Variants in SPAG17 observed in about 807,000 individuals in gnomAD.
SPAG17 encodes sperm-associated antigen 17.
A neutral mutation model predicts 273.6 loss-of-function variants in SPAG17; 169 were observed. The observed-to-expected ratio is 0.62, with a 90% CI of 0.55 to 0.70. The LOEUF is 0.70. Ranked by LOEUF, SPAG17 falls within the 30% of genes least tolerant of loss-of-function variation. The probability of loss-of-function intolerance (pLI) is 0.00; values close to 1 mark genes in which losing one functional copy is unlikely to be tolerated. For missense variants in SPAG17, 2,557 were observed against 2,627.8 expected, an observed-to-expected ratio of 0.97 and a Z score of 0.59; for synonymous variants, 825 against 873.2, an observed-to-expected ratio of 0.94 and a Z score of 0.97.
intron 3 of SPAG17, among the ~76,000 whole-genome samples, chr1:118,130,197 T>C (rs557083845): frequency 5.3e-5 from 8 of 152,166 alleles, no homozygotes; most frequent in Non-Finnish European, 1.0e-4. Context: ...AAGCCCTTAA[T>C]GAGCAGATGG....
At chr1:117,998,387 G>T (rs1299457218) in intron 32 of SPAG17, among the ~76,000 whole-genome samples, 1 of 152,030 alleles carries the variant, frequency 6.6e-6, no homozygotes, top group African/African-American at 2.4e-5. Context: ...TTATATCTGG[G>T]CTCTCTATTT....
chr1:118,056,008 C>CA, intron 18 of SPAG17, 94 bp from the exon 19 acceptor site: 1 of 1,008,862 alleles, frequency 9.9e-7, no homozygotes, highest in Non-Finnish European at 1.4e-6. Flanking sequence ...TTGCTCATGT[C>CA]AAAAATATAA....
At chr1:118,058,319 C>T (rs917229901) in intron 18 of SPAG17, among the ~76,000 whole-genome samples, 7 of 152,042 alleles carry the variant, frequency 4.6e-5, no homozygotes, top group African/African-American at 1.7e-4. Flanking sequence ...GCAATTCTCC[C>T]AGCTCAGACT....
rs1557850782 is a variant in SPAG17, at chr1:117,972,070, T to C, written c.6142-23A>G. ...CACCTTTGCATTAAGAAAAAATTAA[T>C]AAAATGGTTCTATTTTGAGTTCCCA... On this transcript the variant is annotated intron_variant, in intron 44 of 48. Coordinates refer to ENST00000336338, the MANE Select transcript of SPAG17 (RefSeq NM_206996.4). The C allele has an allele frequency of 5.7e-6, 9 of 1,572,856 alleles. No individual in the cohort carries two copies. In the East Asian group the frequency reaches 2.0e-4, roughly 36 times the overall value.
chr1:118,007,973 C>T (rs1031348949), intron 31 of SPAG17, 71 bp downstream of exon 31: 4 of 1,583,426 alleles, frequency 2.5e-6, no homozygotes, highest in Admixed American at 3.4e-5. Context: ...TTTTACTGCC[C>T]CAGAGAAGTG....
At position 118,099,746 on chromosome 1, in the gene SPAG17, T is replaced by C. The variant is rs1306455269; in HGVS notation, c.689A>G (p.Asn230Ser). The C allele has an allele frequency of 5.0e-6, 8 of 1,613,334 alleles. No homozygotes were observed. Among genetic ancestry groups the C allele is most frequent in the Admixed American group, 3.3e-5 (2 of 59,980 alleles). The part of the protein sequence containing the change: ...QHYIIVVGFN[N>S]PQLLAIMAEL... ...AGCCATAATTGCTAATAGCTGAGGA[T>C]TGTTAAAGCCCACAACTATAATGTA... The change falls in exon 6 of 49, where the codon AAT becomes AGT. Residue 230 changes from asparagine (N) to serine (S), a missense_variant. By Grantham distance (46) the Asn-to-Ser change is conservative (BLOSUM62 1). Transcript: ENST00000336338.
chr1:118,100,612 G>A (rs1408334936), intron 5 of SPAG17, among the ~76,000 whole-genome samples: 6 of 152,252 alleles, frequency 3.9e-5, no homozygotes, highest in Non-Finnish European at 5.9e-5. Context: ...ACTAATCAAT[G>A]TTGATATTGC....
At chr1:118,048,990 A>G (rs1650689167) in intron 20 of SPAG17, among the ~76,000 whole-genome samples, 1 of 152,238 alleles carries the variant, frequency 6.6e-6, no homozygotes, top group South Asian at 2.1e-4. Flanking sequence ...AGGAATGGAT[A>G]AATTCCTAGA....
chr1:118,164,998 C>T (rs1323318229), intron 1 of SPAG17, among the ~76,000 whole-genome samples: 7 of 152,168 alleles, frequency 4.6e-5, no homozygotes, highest in African/African-American at 1.7e-4. Flanking sequence ...TTCAGAATGC[C>T]CTCCTTCCAG....
chr1:118,056,043 A>G, intron 18 of SPAG17, 129 bp from the exon 19 acceptor site: 2 of 675,022 alleles, frequency 3.0e-6, no homozygotes, highest in Non-Finnish European at 4.7e-6. Flanking sequence ...TCCTAGATGT[A>G]TTTTGTACAA....
chr1:118,011,596 G>GA (rs1398547614), intron 30 of SPAG17, among the ~76,000 whole-genome samples: 2 of 152,202 alleles, frequency 1.3e-5, no homozygotes, highest in African/African-American at 2.4e-5. Context: ...GAGAGGATCA[G>GA]AAAAAATAAC....
At chr1:118,148,156 AG>A (rs1659148757) in intron 3 of SPAG17, among the ~76,000 whole-genome samples, 1 of 152,168 alleles carries the variant, frequency 6.6e-6, no homozygotes, top group South Asian at 2.1e-4. Flanking sequence ...GTTTCCTTTG[AG>A]AAATGGGATG....
intron 3 of SPAG17, among the ~76,000 whole-genome samples, chr1:118,136,567 T>C (rs1658367551): frequency 6.6e-6 from 1 of 152,184 alleles, no homozygotes; most frequent in African/African-American, 2.4e-5. Context: ...CAGGCAGAAC[T>C]TCCAGCACCT....
chr1:118,069,548 A>T (rs1653358137), intron 17 of SPAG17, among the ~76,000 whole-genome samples: 1 of 152,132 alleles, frequency 6.6e-6, no homozygotes, highest in African/African-American at 2.4e-5. Context: ...CTTAGGTGGG[A>T]AAAATATGAG....
At chr1:117,955,547 G>A (rs1652073543) in intron 48 of SPAG17, among the ~76,000 whole-genome samples, 1 of 152,080 alleles carries the variant, frequency 6.6e-6, no homozygotes, top group Non-Finnish European at 1.5e-5. Flanking sequence ...TCCTTCTAAA[G>A]TATGAAGAGA....
chr1:117,980,262 C>T (rs868342854), intron 43 of SPAG17, among the ~76,000 whole-genome samples: 5 of 151,928 alleles, frequency 3.3e-5, no homozygotes, highest in South Asian at 2.1e-4. Context: ...GATGGAGTCT[C>T]GCTCTGTTGC....
intron 17 of SPAG17, among the ~76,000 whole-genome samples, chr1:118,072,206 T>C (rs1159914386): frequency 6.6e-6 from 1 of 152,202 alleles, no homozygotes; most frequent in Non-Finnish European, 1.5e-5. Flanking sequence ...AATTTAGCAT[T>C]TACTATAAAG....
At chr1:118,166,947 T>G (rs926386162) in intron 1 of SPAG17, among the ~76,000 whole-genome samples, 4 of 152,212 alleles carry the variant, frequency 2.6e-5, no homozygotes, top group African/African-American at 7.2e-5. Context: ...ATGGTACATC[T>G]GTGTAGATAT....
At chr1:118,112,428 A>G (rs1656822311) in intron 4 of SPAG17, among the ~76,000 whole-genome samples, 1 of 152,108 alleles carries the variant, frequency 6.6e-6, no homozygotes. Flanking sequence ...AATTATTAAC[A>G]GATAGAAATA....
Sources: gnomAD v4.1 joint callset for allele counts (sites outside exome capture counted in the v4.1 genomes callset) on GRCh38, gnomAD v4.1.1 for gene constraint, MANE v1.5 for transcripts, NCBI Gene and HGNC (gene_info 2026-07-23, HGNC 2026-07-21) for gene names.